The following MAN1A1 variants were observed in gnomAD, a reference collection of about 807,000 sequenced individuals.
MAN1A1 encodes the protein mannosidase alpha class 1A member 1.
Under a neutral mutation model 70.8 loss-of-function variants are expected in MAN1A1, and 29 were observed. The observed-to-expected ratio is 0.41, with a 90% CI of 0.31 to 0.56. The LOEUF is 0.56. Ranked by LOEUF, MAN1A1 falls within the 20% of genes least tolerant of loss-of-function variation. The pLI is 0.29. For missense variants in MAN1A1, 747 were observed against 841.3 expected, an observed-to-expected ratio of 0.89 and a Z score of 1.39; for synonymous variants, 349 against 330.1, an observed-to-expected ratio of 1.06 and a Z score of -0.62.
chr6:119,217,562 G>A (rs975020876), intron 6 of MAN1A1, among the ~76,000 whole-genome samples: 4 of 152,154 alleles, frequency 2.6e-5, no homozygotes, highest in Non-Finnish European at 5.9e-5. Context: ...CACTGCGCTC[G>A]GCAGCAAATG....
At chr6:119,308,599 C>T (rs533052276) in intron 2 of MAN1A1, among the ~76,000 whole-genome samples, 1 of 152,074 alleles carries the variant, frequency 6.6e-6, no homozygotes, top group Admixed American at 6.5e-5. Flanking sequence ...TACTGCTTGA[C>T]AGATGGCAGG....
At chr6:119,233,315 C>T (rs1171581140) in intron 6 of MAN1A1, among the ~76,000 whole-genome samples, 1 of 152,140 alleles carries the variant, frequency 6.6e-6, no homozygotes, top group Non-Finnish European at 1.5e-5. Context: ...ACAGTTTGGC[C>T]TACTTTAAAG....
intron 12 of MAN1A1, 41 bp downstream of exon 12, chr6:119,180,271 A>G: frequency 7.4e-7 from 1 of 1,346,168 alleles, no homozygotes; most frequent in Non-Finnish European, 1.1e-6. Context: ...AGATCTGTTC[A>G]GGTACCTTAG....
intron 6 of MAN1A1, among the ~76,000 whole-genome samples, chr6:119,206,643 G>C (rs1262020780): frequency 1.3e-5 from 2 of 152,110 alleles, no homozygotes; most frequent in Non-Finnish European, 2.9e-5. Context: ...TTCATAGTTG[G>C]CTTATAAAAA....
chr6:119,348,967 G>T lies in MAN1A1; in HGVS notation c.99C>A (p.Pro33=). The change falls in exon 2 of 13, where the codon CCC becomes CCA. Residue 33 remains proline (P), a synonymous_variant. Coordinates refer to ENST00000368468, the MANE Select transcript of MAN1A1 (RefSeq NM_005907.4). The stretch of plus-strand genomic sequence containing the variant: ...ACTTCTCCGTCAGGCGGAGGGCGGC[G>T]GGGCCCGACCCCTTCCTGCCACCGC... The part of the protein sequence containing the change: ...GGGGGRKGSG[P]AALRLTEKFV... The T allele has an allele frequency of 6.6e-7, 1 of 1,518,708 alleles. No homozygotes were observed. The highest frequency in any genetic ancestry group is 8.8e-7 in the Non-Finnish European group (1 of 1,132,518). 94.1% of individuals were successfully genotyped at this position (1,518,708 alleles called of 1,614,324 possible).
In MAN1A1 at chr6:119,333,197, T is replaced by C. The variant is rs186691850; in HGVS notation, c.603+15266A>G. 4.5e-4 allele frequency among the ~76,000 whole-genome samples: 69 copies of C among 152,342 alleles called. 1 individual carries two copies. In the East Asian group the frequency reaches 0.013, roughly 28 times the overall value. Reference sequence around the variant, plus strand: ...CTAAGACAGCTTTCGAGCAATTCTATTGATAATTAAAGGTCCACAAATATG... The same window carrying C: ...CTAAGACAGCTTTCGAGCAATTCTACTGATAATTAAAGGTCCACAAATATG... On this transcript the variant is annotated intron_variant, in intron 2 of 12. Transcript: ENST00000368468.
intron 6 of MAN1A1, among the ~76,000 whole-genome samples, chr6:119,236,702 T>C (rs1449092414): frequency 1.8e-5 from 2 of 109,066 alleles, no homozygotes; most frequent in Non-Finnish European, 4.0e-5. Context: ...AGTGAGACTT[T>C]GTCTCAAAAA....
chr6:119,223,040 T>G (rs1434799747), intron 6 of MAN1A1, among the ~76,000 whole-genome samples: 1 of 152,030 alleles, frequency 6.6e-6, no homozygotes, highest in African/African-American at 2.4e-5. Context: ...TATCTCAAAG[T>G]GGTTTAAAAA....
In MAN1A1 at chr6:119,242,134, G is replaced by GACACACACACACACACACACACAC. The variant is rs139698571; in HGVS notation, c.992+6125_992+6126insGTGTGTGTGTGTGTGTGTGTGTGT. ...GCTATTTATAACAGACAGACAGACA[G>GACACACACACACACACACACACAC]ACACACACACTTTCATAGACTGGGT... is the stretch of plus-strand genomic sequence containing the variant. On this transcript the variant is annotated intron_variant, in intron 6 of 12. Transcript: ENST00000368468. Among the ~76,000 whole-genome samples, 485 of 150,624 alleles carry GACACACACACACACACACACACAC rather than the reference G, an allele frequency of 3.2e-3. 4 individuals are homozygous for GACACACACACACACACACACACAC. The highest frequency in any genetic ancestry group is 0.011 in the African/African-American group (457 of 40,910).
chr6:119,225,592 C>A (rs1255290931), intron 6 of MAN1A1, among the ~76,000 whole-genome samples: 1 of 152,164 alleles, frequency 6.6e-6, no homozygotes, highest in Non-Finnish European at 1.5e-5. Flanking sequence ...GGACATCAAA[C>A]TCAAACTTCT....
chr6:119,283,031 C>A (rs530081665), intron 5 of MAN1A1, among the ~76,000 whole-genome samples: 3 of 152,184 alleles, frequency 2.0e-5, no homozygotes, highest in Non-Finnish European at 4.4e-5. Context: ...TACAAATAGT[C>A]TCCAGCTGAT....
At chr6:119,180,513 T>A in intron 11 of MAN1A1, 86 bp from the exon 12 acceptor site, 3 of 741,536 alleles carry the variant, frequency 4.0e-6, no homozygotes, top group Middle Eastern at 2.5e-4. Flanking sequence ...CAAGTTCAGA[T>A]AAAACATTTT....
At chr6:119,214,930 A>AT (rs1217565202) in intron 6 of MAN1A1, among the ~76,000 whole-genome samples, 1 of 76,198 alleles carries the variant, frequency 1.3e-5, no homozygotes. Context: ...AAGCATTATA[A>AT]AATGCTAAAA....
chr6:119,314,384 G>A lies in MAN1A1; in HGVS notation c.604-7392C>T, dbSNP rs186303204. On this transcript the variant is annotated intron_variant, in intron 2 of 12. Coordinates refer to ENST00000368468, the MANE Select transcript of MAN1A1 (RefSeq NM_005907.4). ...CGTCATCATGGGTTATGGAGGCCGAGGCTGTAAAGGAGGAAGTGAATTAAC... is the reference window on the plus strand; with the variant it reads ...CGTCATCATGGGTTATGGAGGCCGAAGCTGTAAAGGAGGAAGTGAATTAAC... 2.2e-3 allele frequency among the ~76,000 whole-genome samples: 339 copies of A among 152,270 alleles called. 1 individual carries two copies. The highest frequency in any genetic ancestry group is 9.8e-3 in the South Asian group (47 of 4,820).
rs1773104169 is a variant in MAN1A1, at chr6:119,179,926, A to C, written c.1855T>G (p.Ser619Ala). The change falls in exon 13 of 13, where the codon TCT (serine) becomes GCT (alanine). Residue 619 changes from serine to alanine, a missense_variant. Transcript: ENST00000368468. ...ETLKYLYLIFSDDDLLPLEHW... is the reference protein window; with the variant it reads ...ETLKYLYLIFADDDLLPLEHW... ...TCCAGTGGAAGAAGATCGTCGTCAG[A>C]AAATATTAGGTACAAATATCTGGTG... is the stretch of plus-strand genomic sequence containing the variant. 3 of 1,613,640 alleles carry C rather than the reference A, an allele frequency of 1.9e-6. No individual in the cohort carries two copies. Among genetic ancestry groups the C allele is most frequent in the Non-Finnish European group, 2.5e-6 (3 of 1,179,722 alleles).
intron 6 of MAN1A1, among the ~76,000 whole-genome samples, chr6:119,247,572 C>T (rs978394284): frequency 6.6e-6 from 1 of 152,190 alleles, no homozygotes; most frequent in Non-Finnish European, 1.5e-5. Context: ...TAATGAAATG[C>T]TTAAGTTATG....
rs1253938829 is a variant in MAN1A1, at chr6:119,279,787, C to A, written c.897+10896G>T. On this transcript the variant is annotated intron_variant, in intron 5 of 12. Coordinates refer to ENST00000368468, the MANE Select transcript of MAN1A1 (RefSeq NM_005907.4). ...ATCTGTCTTCGTGAATGCCACCTTC[C>A]CCTAACTGCTTAAAGACCTTGAACT... is the stretch of plus-strand genomic sequence containing the variant. Among the ~76,000 whole-genome samples the A allele has an allele frequency of 2.6e-5, 4 of 152,282 alleles. 1 individual carries two copies. Among genetic ancestry groups the A allele is most frequent in the East Asian group, 3.9e-4 (2 of 5,174 alleles).
intron 4 of MAN1A1, among the ~76,000 whole-genome samples, chr6:119,297,120 A>G (rs1772236967): frequency 6.6e-6 from 1 of 152,214 alleles, no homozygotes; most frequent in South Asian, 2.1e-4. Flanking sequence ...TGAAATTAGA[A>G]ATGCCCAAAT....
At chr6:119,316,392 C>T in intron 2 of MAN1A1, among the ~76,000 whole-genome samples, 1 of 151,970 alleles carries the variant, frequency 6.6e-6, no homozygotes, top group East Asian at 1.9e-4. Context: ...TCTCGAACTC[C>T]TGAGCTCAGG....
Sources: gnomAD v4.1 joint callset for allele counts (sites outside exome capture counted in the v4.1 genomes callset) on GRCh38, gnomAD v4.1.1 for gene constraint, MANE v1.5 for transcripts, NCBI Gene and HGNC (gene_info 2026-07-23, HGNC 2026-07-21) for gene names.